The following PRELID2 variants were observed in gnomAD, a reference collection of about 807,000 sequenced individuals.
The protein encoded by PRELID2 is PRELI domain containing 2, also known as PRELI domain-containing protein 2.
PRELID2 carries 25 observed loss-of-function variants against 28.4 expected under a neutral mutation model. The observed-to-expected ratio is 0.88, with a 90% CI of 0.64 to 1.23. The LOEUF (loss-of-function observed/expected upper bound fraction) is 1.23. PRELID2 is among the 50% of genes most tolerant of loss of function. The pLI, the probability that PRELID2 is intolerant of heterozygous loss-of-function variation, is 0.00. For missense variants in PRELID2, 201 were observed against 214.4 expected (o/e 0.94, Z 0.39); for synonymous variants, 76 against 71.6 (o/e 1.06, Z -0.31).
downstream of PRELID2, among the ~76,000 whole-genome samples, chr5:145,470,224 A>C (rs1752041576): frequency 6.6e-6 from 1 of 152,088 alleles, no homozygotes; most frequent in Non-Finnish European, 1.5e-5. Flanking sequence ...CTTCTGTAGC[A>C]AAAAAGAAGC....
intron 1 of PRELID2, among the ~76,000 whole-genome samples, chr5:145,523,085 T>A (rs989333939): frequency 1.3e-5 from 2 of 152,038 alleles, no homozygotes; most frequent in Non-Finnish European, 2.9e-5. Flanking sequence ...ATCCTTGTAG[T>A]TGGGGTAAAA....
downstream of PRELID2, among the ~76,000 whole-genome samples, chr5:145,755,521 G>A (rs1757233513): frequency 1.3e-5 from 2 of 152,046 alleles, no homozygotes; most frequent in East Asian, 3.8e-4. Flanking sequence ...TTTTTCTTCA[G>A]TTAATAATGT....
the PRELID2 span, among the ~76,000 whole-genome samples, chr5:145,398,516 C>A: frequency 1.3e-5 from 2 of 152,054 alleles, no homozygotes; most frequent in African/African-American, 2.4e-5. Flanking sequence ...AGTTTTCCCC[C>A]AGTCTCTGCC....
intron 1 of PRELID2, among the ~76,000 whole-genome samples, chr5:145,513,408 T>C (rs542162311): frequency 6.6e-6 from 1 of 151,514 alleles, no homozygotes; most frequent in East Asian, 2.0e-4. Flanking sequence ...GACAACTTAA[T>C]GAAATAAAGT....
At chr5:145,804,249 G>A (rs999757967) in intron 4 of PRELID2, among the ~76,000 whole-genome samples, 3 of 152,026 alleles carry the variant, frequency 2.0e-5, no homozygotes, top group South Asian at 2.1e-4. Context: ...TATACCTCAC[G>A]CCTGAAATCC....
chr5:145,594,718 A>G (rs868266489), intron 1 of PRELID2, among the ~76,000 whole-genome samples: 9 of 152,330 alleles, frequency 5.9e-5, no homozygotes, highest in South Asian at 4.1e-4. Context: ...ATAAAATATT[A>G]AGAGTGATTG....
intron 1 of PRELID2, among the ~76,000 whole-genome samples, chr5:145,694,766 G>A (rs1755222668): frequency 1.3e-5 from 2 of 151,278 alleles, no homozygotes; most frequent in South Asian, 2.1e-4. Flanking sequence ...TTCATATTAT[G>A]TAACATACTA....
intron 1 of PRELID2, among the ~76,000 whole-genome samples, chr5:145,706,636 C>T (rs1232889011): frequency 6.6e-6 from 1 of 152,198 alleles, no homozygotes; most frequent in Non-Finnish European, 1.5e-5. Context: ...AAAAGATTTG[C>T]TCACTCTGCC....
At chr5:145,422,172 A>G in the PRELID2 span, among the ~76,000 whole-genome samples, 1 of 147,616 alleles carries the variant, frequency 6.8e-6, no homozygotes, top group Non-Finnish European at 1.5e-5. Flanking sequence ...CAATTTTGGA[A>G]TAGGTGTGGT....
At chr5:145,740,156 A>T (rs1756616339) in intron 1 of PRELID2, among the ~76,000 whole-genome samples, 1 of 148,958 alleles carries the variant, frequency 6.7e-6, no homozygotes, top group African/African-American at 2.5e-5. Flanking sequence ...TATCATACAA[A>T]CACTCATAAA....
At chr5:145,793,373 A>G (rs1752523783) in intron 5 of PRELID2, among the ~76,000 whole-genome samples, 1 of 152,146 alleles carries the variant, frequency 6.6e-6, no homozygotes, top group South Asian at 2.1e-4. Context: ...ACTCAGCAAT[A>G]AGTCCTAAAG....
At chr5:145,714,584 T>C (rs1483242306) in intron 1 of PRELID2, among the ~76,000 whole-genome samples, 1 of 152,200 alleles carries the variant, frequency 6.6e-6, no homozygotes, top group Non-Finnish European at 1.5e-5. Flanking sequence ...TAAGTTCCTA[T>C]TAAGTGCTAA....
intron 1 of PRELID2, among the ~76,000 whole-genome samples, chr5:145,732,248 G>A (rs555812017): frequency 6.6e-6 from 1 of 152,266 alleles, no homozygotes; most frequent in South Asian, 2.1e-4. Flanking sequence ...TTCATGTCCT[G>A]AGCCTGTCTC....
At chr5:145,806,449 C>T (rs888205904) in intron 4 of PRELID2, among the ~76,000 whole-genome samples, 6 of 152,198 alleles carry the variant, frequency 3.9e-5, no homozygotes, top group Admixed American at 3.3e-4. Flanking sequence ...GGCAATAACA[C>T]ACATGAAGCT....
chr5:145,626,156 C>A (rs182537421), intron 1 of PRELID2, among the ~76,000 whole-genome samples: 63 of 152,158 alleles, frequency 4.1e-4, no homozygotes, highest in African/African-American at 1.5e-3. Context: ...AAAAGAAACA[C>A]AACAAAACCA....
the PRELID2 span, among the ~76,000 whole-genome samples, chr5:145,326,037 C>G: frequency 5.3e-5 from 8 of 152,240 alleles, no homozygotes; most frequent in African/African-American, 1.7e-4. Context: ...GAGGCAGGGT[C>G]TTGCTCTGTT....
At chr5:145,607,138 A>G (rs1476922781) in intron 1 of PRELID2, among the ~76,000 whole-genome samples, 1 of 151,732 alleles carries the variant, frequency 6.6e-6, no homozygotes, top group Admixed American at 6.6e-5. Context: ...CCTCTTTTTT[A>G]CTTTATTAGA....
the PRELID2 span, among the ~76,000 whole-genome samples, chr5:145,453,226 T>C: frequency 6.6e-6 from 1 of 152,174 alleles, no homozygotes; most frequent in Non-Finnish European, 1.5e-5. Flanking sequence ...AAAATTATGA[T>C]GCAATATGGC....
In PRELID2 at chr5:145,756,494, T is replaced by C. The variant is rs191503706; in HGVS notation, c.*4042A>G. On this transcript the variant is annotated 3_prime_UTR_variant, in exon 7 of 7. Transcript: ENST00000683046. ...CTGATCATTTTTTGAGTTTTAATCCTCTTAAGTTTCACATTATAGAACTGA... is the reference window on the plus strand; with the variant it reads ...CTGATCATTTTTTGAGTTTTAATCCCCTTAAGTTTCACATTATAGAACTGA... Among the ~76,000 whole-genome samples, 1 of 152,336 alleles carries C rather than the reference T, an allele frequency of 6.6e-6. No homozygotes were observed. The highest frequency in any genetic ancestry group is 1.9e-4 in the East Asian group (1 of 5,192).
Sources: allele counts gnomAD v4.1 joint callset (sites outside exome capture counted in the v4.1 genomes callset), GRCh38; gene constraint gnomAD v4.1.1; transcripts MANE v1.5; gene names NCBI Gene and HGNC (gene_info 2026-07-23, HGNC 2026-07-21).